The following BRMS1L variants were observed in gnomAD, a reference collection of about 807,000 sequenced individuals.
The protein encoded by BRMS1L is breast cancer metastasis-suppressor 1-like protein.
A neutral mutation model predicts 50.3 loss-of-function variants in BRMS1L; 23 were observed. That is an observed-to-expected ratio of 0.46 (90% CI 0.33 to 0.65). The LOEUF is 0.65. Ranked by LOEUF, BRMS1L falls within the 30% of genes least tolerant of loss-of-function variation. The probability of loss-of-function intolerance (pLI) is 0.02; values close to 1 mark genes in which losing one functional copy is unlikely to be tolerated. For missense variants in BRMS1L, 286 were observed against 386.1 expected, an observed-to-expected ratio of 0.74 and a Z score of 2.17; for synonymous variants, 114 against 126.9, an observed-to-expected ratio of 0.90 and a Z score of 0.69.
chr14:35,842,815 A>T (rs1444960886), intron 4 of BRMS1L, among the ~76,000 whole-genome samples: 1 of 152,196 alleles, frequency 6.6e-6, no homozygotes, highest in African/African-American at 2.4e-5. Context: ...CAGGTATGCC[A>T]GTCAAACGTA....
At chr14:35,869,966 G>T (rs1413545971) in intron 9 of BRMS1L, among the ~76,000 whole-genome samples, 1 of 151,946 alleles carries the variant, frequency 6.6e-6, no homozygotes, top group African/African-American at 2.4e-5. Context: ...TACCGTAGAT[G>T]GTTTGACATT....
At chr14:35,832,892 T>C in intron 2 of BRMS1L, 86 bp from the exon 3 acceptor site, 5 of 1,191,846 alleles carry the variant, frequency 4.2e-6, no homozygotes, top group South Asian at 1.5e-5. Context: ...ATAAATGATA[T>C]TGGGAACAAA....
At chr14:35,827,207 G>T (rs560298977) in intron 1 of BRMS1L, among the ~76,000 whole-genome samples, 36 of 152,254 alleles carry the variant, frequency 2.4e-4, no homozygotes, top group African/African-American at 8.4e-4. Context: ...CAACATTCGG[G>T]CTCATTTTGG....
At chr14:35,835,667 AC>A (rs1018481693) in intron 4 of BRMS1L, among the ~76,000 whole-genome samples, 1 of 151,908 alleles carries the variant, frequency 6.6e-6, no homozygotes, top group South Asian at 2.1e-4. Context: ...ACATAGTGAG[AC>A]CCCCCACCTC....
chr14:35,831,044 G>A (rs1407441636), intron 1 of BRMS1L, among the ~76,000 whole-genome samples: 4 of 149,910 alleles, frequency 2.7e-5, no homozygotes, highest in South Asian at 2.1e-4. Context: ...GGGCTCAGGC[G>A]ATCCTCCTGC....
intron 8 of BRMS1L, among the ~76,000 whole-genome samples, chr14:35,867,384 G>C (rs906325459): frequency 2.0e-5 from 3 of 152,018 alleles, no homozygotes; most frequent in African/African-American, 7.2e-5. Flanking sequence ...CCATAAAAAA[G>C]ATTTTTTTTT....
chr14:35,833,641 A>G (rs1313328988), intron 3 of BRMS1L, among the ~76,000 whole-genome samples: 1 of 152,158 alleles, frequency 6.6e-6, no homozygotes, highest in Non-Finnish European at 1.5e-5. Flanking sequence ...CTATATTTGT[A>G]TGGTTACATT....
chr14:35,846,300 G>A (rs1309496965), intron 4 of BRMS1L, among the ~76,000 whole-genome samples: 3 of 151,940 alleles, frequency 2.0e-5, no homozygotes, highest in Non-Finnish European at 4.4e-5. Context: ...GGGAGGCTGA[G>A]GCAGAGGATT....
At chr14:35,847,536 A>C (rs981242123) in intron 4 of BRMS1L, among the ~76,000 whole-genome samples, 3 of 152,148 alleles carry the variant, frequency 2.0e-5, no homozygotes, top group African/African-American at 7.2e-5. Flanking sequence ...TTTATTTCCT[A>C]AAAAGTCCAA....
chr14:35,835,347 A>G (rs1014688938), intron 4 of BRMS1L, among the ~76,000 whole-genome samples: 9 of 151,822 alleles, frequency 5.9e-5, no homozygotes, highest in African/African-American at 9.7e-5. Flanking sequence ...TATTTATGGG[A>G]AAAAAAATAG....
intron 4 of BRMS1L, among the ~76,000 whole-genome samples, chr14:35,853,909 A>G (rs935338115): frequency 8.5e-5 from 13 of 152,134 alleles, no homozygotes; most frequent in Admixed American, 7.2e-4. Flanking sequence ...TATTATTTTA[A>G]TAATTGCCTT....
chr14:35,835,668 C>A (rs1413278965), intron 4 of BRMS1L, among the ~76,000 whole-genome samples: 2 of 151,980 alleles, frequency 1.3e-5, no homozygotes, highest in African/African-American at 4.8e-5. Flanking sequence ...CATAGTGAGA[C>A]CCCCCACCTC....
In BRMS1L at chr14:35,834,426, T is replaced by A. The variant is rs904486848; in HGVS notation, c.362-418T>A. Among the ~76,000 whole-genome samples the A allele has an allele frequency of 8.0e-4, 122 of 152,158 alleles. 1 individual carries two copies. Among genetic ancestry groups the A allele is most frequent in the African/African-American group, 2.9e-3 (119 of 41,520 alleles). ...TTGAAAATGATAGTTAAAAAAAAAG[T>A]GGTTTTGGTGGGGTATAGTATCTAG... is the stretch of plus-strand genomic sequence containing the variant. On this transcript the variant is annotated intron_variant, in intron 3 of 9. Coordinates refer to ENST00000216807, the MANE Select transcript of BRMS1L (RefSeq NM_032352.4).
At chr14:35,850,117 C>T (rs2078191186) in intron 4 of BRMS1L, among the ~76,000 whole-genome samples, 1 of 151,930 alleles carries the variant, frequency 6.6e-6, no homozygotes, top group South Asian at 2.1e-4. Context: ...CCACTGTGCC[C>T]GGCTGAAGAA....
chr14:35,826,807 C>G (rs1194749922), intron 1 of BRMS1L, 149 bp downstream of exon 1: 4 of 1,211,478 alleles, frequency 3.3e-6, no homozygotes, highest in Non-Finnish European at 4.5e-6. Context: ...GGGCTGCACC[C>G]TGACCGGTCG....
intron 1 of BRMS1L, among the ~76,000 whole-genome samples, chr14:35,828,388 G>A (rs772828482): frequency 1.7e-4 from 25 of 151,318 alleles, no homozygotes; most frequent in Non-Finnish European, 3.2e-4. Flanking sequence ...TGTCCAGGCT[G>A]GTCTCGAACT....
At chr14:35,851,581 T>G (rs970383961) in intron 4 of BRMS1L, among the ~76,000 whole-genome samples, 3 of 152,198 alleles carry the variant, frequency 2.0e-5, no homozygotes, top group African/African-American at 7.2e-5. Context: ...TTTTAAGAAT[T>G]CCTTGGCATG....
intron 4 of BRMS1L, among the ~76,000 whole-genome samples, chr14:35,856,435 C>T (rs957433444): frequency 1.3e-5 from 2 of 152,076 alleles, no homozygotes; most frequent in African/African-American, 2.4e-5. Context: ...TTCAGGTTCT[C>T]GAGAAAATTG....
chr14:35,850,677 G>GTTTCA (rs2078199862), intron 4 of BRMS1L, among the ~76,000 whole-genome samples: 1 of 152,160 alleles, frequency 6.6e-6, no homozygotes, highest in Admixed American at 6.5e-5. Flanking sequence ...GAGCTTTACA[G>GTTTCA]TTTCAGTTTT....
Sources: allele counts gnomAD v4.1 joint callset (sites outside exome capture counted in the v4.1 genomes callset), GRCh38; gene constraint gnomAD v4.1.1; transcripts MANE v1.5; gene names NCBI Gene and HGNC (gene_info 2026-07-23, HGNC 2026-07-21).